The following CTNNA2 variants were observed in gnomAD, a reference collection of about 807,000 sequenced individuals.
CTNNA2 encodes the protein catenin alpha-2.
In CTNNA2, 42 loss-of-function variants were observed where a neutral mutation model predicts 101.0. The observed-to-expected ratio is 0.42, with a 90% confidence interval of 0.32 to 0.54. CTNNA2 has a LOEUF of 0.54. Ranked by LOEUF, CTNNA2 falls within the 20% of genes least tolerant of loss-of-function variation. CTNNA2 has a pLI of 0.14. For synonymous variants in CTNNA2, 450 were observed against 456.4 expected, an observed-to-expected ratio of 0.99 and a Z score of 0.18; for missense variants, 871 against 1,223.1, an observed-to-expected ratio of 0.71 and a Z score of 4.29.
rs533613377 is a variant in CTNNA2 at position 80,432,313 on chromosome 2, A to G, written c.1290+12712A>G. ...CTAAAGAACAGATTTTTTTAATCAT[A>G]TGTAAAATACAACATGAGCATCTTT... On this transcript the variant is annotated intron_variant, in intron 9 of 18. Coordinates refer to ENST00000402739, the MANE Select transcript of CTNNA2 (RefSeq NM_001282597.3). Among the ~76,000 whole-genome samples the G allele has an allele frequency of 5.6e-4, 86 of 152,350 alleles. 1 individual carries two copies. The highest frequency in any genetic ancestry group is 1.8e-3 in the African/African-American group (75 of 41,574).
chr2:80,062,895 T>C (rs1205874227), intron 7 of CTNNA2, among the ~76,000 whole-genome samples: 3 of 151,948 alleles, frequency 2.0e-5, no homozygotes, highest in East Asian at 3.9e-4. Flanking sequence ...TTAGCAGAGA[T>C]GGGGTTTCAC....
intron 2 of CTNNA2, among the ~76,000 whole-genome samples, chr2:79,723,716 A>G (rs2104877116): frequency 6.6e-6 from 1 of 152,316 alleles, no homozygotes; most frequent in Non-Finnish European, 1.5e-5. Flanking sequence ...CTTTCTGTCC[A>G]GGAAATGAAT....
Position 80,466,401 on chromosome 2 carries a change from T to C in CTNNA2, c.1290+46800T>C, listed in dbSNP as rs1684855701. Among the ~76,000 whole-genome samples the C allele has an allele frequency of 2.0e-5, 3 of 152,232 alleles. No individual in the cohort carries two copies. The South Asian group carries it at 6.2e-4, about 32-fold the overall frequency. ...TGATTTTATGAATGAATGACACTAA[T>C]GAAATAAGTAAATGTGCATTATGTA... On this transcript the variant is annotated intron_variant, in intron 9 of 18. Coordinates refer to ENST00000402739, the MANE Select transcript of CTNNA2 (RefSeq NM_001282597.3).
intron 7 of CTNNA2, among the ~76,000 whole-genome samples, chr2:80,039,065 A>G (rs992600715): frequency 1.6e-4 from 25 of 152,116 alleles, no homozygotes; most frequent in Non-Finnish European, 3.5e-4. Flanking sequence ...AAGGAGTACA[A>G]GATGCTTTCT....
intron 1 of CTNNA2, among the ~76,000 whole-genome samples, chr2:79,576,277 G>A (rs913887687): frequency 6.6e-6 from 1 of 152,156 alleles, no homozygotes; most frequent in African/African-American, 2.4e-5. Flanking sequence ...CCTGAGAGAA[G>A]GGAGAAGAAT....
intron 7 of CTNNA2, among the ~76,000 whole-genome samples, chr2:80,209,405 G>C (rs1033531995): frequency 1.3e-5 from 2 of 151,886 alleles, no homozygotes; most frequent in African/African-American, 4.8e-5. Flanking sequence ...TGGCCAGGCT[G>C]GTCTTGAACT....
At chr2:79,416,208 G>A (rs556498148) in intron 4 of CTNNA2, among the ~76,000 whole-genome samples, 6 of 150,388 alleles carry the variant, frequency 4.0e-5, no homozygotes, top group African/African-American at 1.5e-4. Flanking sequence ...CACATTAGGA[G>A]CAGGGAGGGA....
chr2:79,902,064 G>A (rs952158123), intron 6 of CTNNA2, among the ~76,000 whole-genome samples: 1 of 152,194 alleles, frequency 6.6e-6, no homozygotes, highest in Non-Finnish European at 1.5e-5. Flanking sequence ...TAGCATTTTA[G>A]AGGTTTTATT....
intron 2 of CTNNA2, among the ~76,000 whole-genome samples, chr2:79,221,403 C>T (rs938370920): frequency 6.6e-6 from 1 of 152,188 alleles, no homozygotes; most frequent in Non-Finnish European, 1.5e-5. Context: ...CCCTCCTCGA[C>T]TTCCCAAAGT....
intron 13 of CTNNA2, chr2:80,579,283 G>A (rs1380827075): frequency 6.6e-6 from 1 of 152,110 alleles, no homozygotes; most frequent in Admixed American, 6.6e-5. Context: ...GTTTGTCATT[G>A]ACTCATCTAC....
chr2:79,204,827 G>A (rs1400142978), intron 2 of CTNNA2, among the ~76,000 whole-genome samples: 1 of 152,158 alleles, frequency 6.6e-6, no homozygotes, highest in East Asian at 1.9e-4. Context: ...CAGAAGAGAG[G>A]AAACCCACCT....
intron 4 of CTNNA2, among the ~76,000 whole-genome samples, chr2:79,411,290 C>T (rs979079366): frequency 6.6e-6 from 1 of 151,708 alleles, no homozygotes; most frequent in Non-Finnish European, 1.5e-5. Context: ...TTTTTTGTGT[C>T]TCTATTTCCT....
intron 7 of CTNNA2, among the ~76,000 whole-genome samples, chr2:80,322,953 A>G (rs1373620852): frequency 2.0e-5 from 3 of 152,214 alleles, no homozygotes; most frequent in South Asian, 2.1e-4. Context: ...ACTGAAGGGT[A>G]TGTAATTTGG....
chr2:79,900,896 C>T (rs1685028421), intron 6 of CTNNA2, among the ~76,000 whole-genome samples: 1 of 152,114 alleles, frequency 6.6e-6, no homozygotes, highest in South Asian at 2.1e-4. Flanking sequence ...ATGCCTGTCT[C>T]AAAATATCCT....
intron 7 of CTNNA2, among the ~76,000 whole-genome samples, chr2:79,960,276 A>T (rs1451104996): frequency 1.3e-5 from 2 of 152,222 alleles, no homozygotes; most frequent in Non-Finnish European, 2.9e-5. Flanking sequence ...CATACAATTG[A>T]GTAGTGGCCA....
intron 3 of CTNNA2, among the ~76,000 whole-genome samples, chr2:79,825,914 A>G (rs1373338486): frequency 1.3e-5 from 2 of 152,200 alleles, no homozygotes; most frequent in East Asian, 1.9e-4. Context: ...ATATCAATGT[A>G]TCATTATACA....
At chr2:80,498,365 A>G (rs1313459464) in intron 9 of CTNNA2, among the ~76,000 whole-genome samples, 1 of 152,200 alleles carries the variant, frequency 6.6e-6, no homozygotes, top group East Asian at 1.9e-4. Context: ...CTGAAAGCCT[A>G]TTGTTTCACA....
chr2:80,267,487 A>G (rs925717102), intron 7 of CTNNA2, among the ~76,000 whole-genome samples: 1 of 152,128 alleles, frequency 6.6e-6, no homozygotes, highest in Non-Finnish European at 1.5e-5. Context: ...CATTCCTGGG[A>G]TCCCGGACTA....
At chr2:80,163,257 T>C (rs1446275345) in intron 7 of CTNNA2, 5 of 709,594 alleles carry the variant, frequency 7.0e-6, no homozygotes, top group Non-Finnish European at 1.2e-5. Flanking sequence ...TTTTCCAATA[T>C]TAAGCCAGCC....
Sources: allele counts gnomAD v4.1 joint callset (sites outside exome capture counted in the v4.1 genomes callset), GRCh38; gene constraint gnomAD v4.1.1; transcripts MANE v1.5; gene names NCBI Gene and HGNC (gene_info 2026-07-23, HGNC 2026-07-21).